The following CACHD1 variants were observed in gnomAD, a reference collection of about 807,000 sequenced individuals.
CACHD1 encodes the protein cache domain containing 1.
A neutral mutation model predicts 138.7 loss-of-function variants in CACHD1; 71 were observed. The observed-to-expected ratio is 0.51, with a 90% CI of 0.42 to 0.62. The LOEUF is 0.62. CACHD1 is among the 20% of genes least tolerant of loss of function. The probability of loss-of-function intolerance (pLI) is 0.00; values close to 1 mark genes in which losing one functional copy is unlikely to be tolerated. For missense variants in CACHD1, 1,389 were observed against 1,625.3 expected, an observed-to-expected ratio of 0.85 and a Z score of 2.50; for synonymous variants, 578 against 591.5, an observed-to-expected ratio of 0.98 and a Z score of 0.33.
At chr1:64,529,951 C>T (rs1020384235) in intron 1 of CACHD1, among the ~76,000 whole-genome samples, 21 of 152,092 alleles carry the variant, frequency 1.4e-4, no homozygotes, top group Admixed American at 4.6e-4. Flanking sequence ...TAGTTGTTTA[C>T]GATTGGTAAA....
At chr1:64,584,173 G>A (rs988978954) in intron 3 of CACHD1, among the ~76,000 whole-genome samples, 1 of 152,120 alleles carries the variant, frequency 6.6e-6, no homozygotes, top group African/African-American at 2.4e-5. Context: ...GGAAAGACAT[G>A]TGGCAATGTC....
At chr1:64,480,156 A>G (rs894162101) in intron 1 of CACHD1, among the ~76,000 whole-genome samples, 1 of 152,206 alleles carries the variant, frequency 6.6e-6, no homozygotes, top group Non-Finnish European at 1.5e-5. Context: ...TCTCAGATCT[A>G]CAGATCACTG....
At chr1:64,498,191 A>C (rs1487247255) in intron 1 of CACHD1, among the ~76,000 whole-genome samples, 1 of 152,112 alleles carries the variant, frequency 6.6e-6, no homozygotes, top group African/African-American at 2.4e-5. Context: ...CAAGAGGTTC[A>C]CCAAAGCTCG....
At chr1:64,580,953 T>C (rs557127192) in intron 2 of CACHD1, among the ~76,000 whole-genome samples, 1 of 152,150 alleles carries the variant, frequency 6.6e-6, no homozygotes, top group African/African-American at 2.4e-5. Flanking sequence ...GGTCAGGGAG[T>C]ATTGTGAGTC....
intron 26 of CACHD1, among the ~76,000 whole-genome samples, chr1:64,683,998 A>G (rs138173604): frequency 1.3e-5 from 2 of 152,352 alleles, no homozygotes; most frequent in Non-Finnish European, 2.9e-5. Flanking sequence ...GGCATCTGCT[A>G]TGCACAGTTA....
chr1:64,620,893 T>C lies in CACHD1; in HGVS notation c.518-8462T>C, dbSNP rs553274720. On this transcript the variant is annotated intron_variant, in intron 4 of 26. Transcript: ENST00000651257. ...TATGGAACAGAAACTATTAAGATCT[T>C]GTGCCTTAGAGTTGGTTGGAGGAGG... is the stretch of plus-strand genomic sequence containing the variant. 2.7e-4 allele frequency among the ~76,000 whole-genome samples: 41 copies of C among 152,302 alleles called. No homozygotes were observed. In the Middle Eastern group the frequency reaches 0.01, roughly 38 times the overall value.
intron 4 of CACHD1, among the ~76,000 whole-genome samples, chr1:64,614,121 G>A (rs917949711): frequency 2.0e-5 from 3 of 152,202 alleles, no homozygotes; most frequent in Non-Finnish European, 2.9e-5. Context: ...CATTGTCCAC[G>A]TAAGGGTATG....
rs1406775631 is a variant in CACHD1, at chr1:64,691,791, C to T, written c.*230C>T. 5.5e-6 allele frequency: 3 copies of T among 550,282 alleles called. No homozygotes were observed. The highest frequency in any genetic ancestry group is 9.8e-6 in the Non-Finnish European group (3 of 305,936). 34.1% of individuals were successfully genotyped at this position (550,282 alleles called of 1,614,324 possible). A position where few individuals can be genotyped will look rare whatever the true frequency, so the allele number is the denominator to read the frequency against. On this transcript the variant is annotated 3_prime_UTR_variant, in exon 27 of 27. Transcript: ENST00000651257. Reference sequence around the variant, plus strand: ...GTTCTGAAATGGAGGGGAAATAAGCCTGATGAACAGACCTGCCATAACACT... The same window carrying T: ...GTTCTGAAATGGAGGGGAAATAAGCTTGATGAACAGACCTGCCATAACACT...
chr1:64,524,240 A>C (rs988400377), intron 1 of CACHD1, among the ~76,000 whole-genome samples: 4 of 152,202 alleles, frequency 2.6e-5, no homozygotes, highest in African/African-American at 9.6e-5. Context: ...TTTAGATAAA[A>C]GGAGGAGCAG....
intron 1 of CACHD1, among the ~76,000 whole-genome samples, chr1:64,486,393 TACACATACACACAC>T: frequency 9.7e-6 from 1 of 103,456 alleles, no homozygotes; most frequent in African/African-American, 3.0e-5. Flanking sequence ...CACACACACA[TACACATACACACAC>T]ACACATACAC....
intron 4 of CACHD1, among the ~76,000 whole-genome samples, chr1:64,628,099 G>C (rs763664124): frequency 2.0e-5 from 3 of 152,174 alleles, no homozygotes; most frequent in Non-Finnish European, 4.4e-5. Flanking sequence ...TAAATATCCT[G>C]TGTGAAAGCT....
chr1:64,545,922 T>C (rs1646714728), intron 1 of CACHD1, among the ~76,000 whole-genome samples: 1 of 152,218 alleles, frequency 6.6e-6, no homozygotes. Context: ...AACAGAAGAT[T>C]CTGTGAAATG....
chr1:64,576,779 A>C (rs1028380508), intron 2 of CACHD1, among the ~76,000 whole-genome samples: 1 of 152,054 alleles, frequency 6.6e-6, no homozygotes, highest in African/African-American at 2.4e-5. Flanking sequence ...CAATACTAGC[A>C]CTCTGTTCTC....
At chr1:64,626,414 A>G (rs1648102870) in intron 4 of CACHD1, among the ~76,000 whole-genome samples, 1 of 152,254 alleles carries the variant, frequency 6.6e-6, no homozygotes, top group South Asian at 2.1e-4. Flanking sequence ...AAGTAAATGA[A>G]ACATTAAAAA....
chr1:64,535,715 C>T (rs1285337133), intron 1 of CACHD1, among the ~76,000 whole-genome samples: 5 of 152,088 alleles, frequency 3.3e-5, no homozygotes, highest in African/African-American at 4.8e-5. Context: ...CCATTTGAAA[C>T]GTCCCCTAGT....
At chr1:64,580,936 A>T (rs1203194099) in intron 2 of CACHD1, among the ~76,000 whole-genome samples, 1 of 152,186 alleles carries the variant, frequency 6.6e-6, no homozygotes, top group Non-Finnish European at 1.5e-5. Context: ...TAATAGTAAG[A>T]AGTCTAGGTC....
intron 5 of CACHD1, among the ~76,000 whole-genome samples, chr1:64,632,034 A>G (rs1374862027): frequency 2.0e-5 from 3 of 152,054 alleles, no homozygotes; most frequent in Non-Finnish European, 4.4e-5. Context: ...CCCACTCTGC[A>G]AGTCTGCAGA....
intron 9 of CACHD1, among the ~76,000 whole-genome samples, chr1:64,650,714 T>C (rs1037280347): frequency 6.6e-6 from 1 of 152,164 alleles, no homozygotes; most frequent in Non-Finnish European, 1.5e-5. Flanking sequence ...GTAGAAGCCT[T>C]CAGGAGTTTT....
At chr1:64,640,698 C>A (rs1304102354) in intron 7 of CACHD1, among the ~76,000 whole-genome samples, 9 of 9,120 alleles carry the variant, frequency 9.9e-4, no homozygotes, top group African/African-American at 1.5e-3. Context: ...TACAGACACA[C>A]ACACACACAC....
Sources: gnomAD v4.1 joint callset for allele counts (sites outside exome capture counted in the v4.1 genomes callset) on GRCh38, gnomAD v4.1.1 for gene constraint, MANE v1.5 for transcripts, NCBI Gene and HGNC (gene_info 2026-07-23, HGNC 2026-07-21) for gene names.